Variants in RIN2 observed in about 807,000 individuals in gnomAD.
RIN2 encodes the protein Ras and Rab interactor 2.
A neutral mutation model predicts 78.0 loss-of-function variants in RIN2; 36 were observed. The observed-to-expected ratio is 0.46, with a 90% CI of 0.35 to 0.61. The LOEUF (loss-of-function observed/expected upper bound fraction) is 0.61, where lower values mean the gene tolerates loss of function less well. Ranked by LOEUF, RIN2 falls within the 20% of genes least tolerant of loss-of-function variation. The pLI is 0.00. For missense variants in RIN2, 1,087 were observed against 1,159.7 expected, an observed-to-expected ratio of 0.94 and a Z score of 0.91; for synonymous variants, 466 against 466.8, an observed-to-expected ratio of 1.00 and a Z score of 0.02.
At position 19,788,412 on chromosome 20, in the gene RIN2, T is replaced by C. The variant is rs1402995742; in HGVS notation, c.-162-11210T>C. Among the ~76,000 whole-genome samples the C allele has an allele frequency of 9.3e-5, 10 of 107,284 alleles. No homozygotes were observed. In the South Asian group the frequency reaches 1.3e-3, roughly 14 times the overall value. The allele number at this position is 107,284 out of a possible 152,430, so 70.4% of individuals were successfully genotyped here. On this transcript the variant is annotated intron_variant, in intron 1 of 12. Transcript: ENST00000255006. ...GAGTTCAAGACTAGCCTGGCCAACA[T>C]GGCGAAATCCTGTCTCTGCCAAAAA...
intron 8 of RIN2, among the ~76,000 whole-genome samples, chr20:19,973,319 C>G (rs1308057087): frequency 1.3e-5 from 2 of 152,002 alleles, no homozygotes; most frequent in Non-Finnish European, 2.9e-5. Context: ...GTGCGGGAGT[C>G]GGGAGAGAGA....
intron 2 of RIN2, among the ~76,000 whole-genome samples, chr20:19,825,019 A>G (rs1020177047): frequency 6.6e-6 from 1 of 152,196 alleles, no homozygotes; most frequent in South Asian, 2.1e-4. Flanking sequence ...GCACCAAAGC[A>G]TAACAGTCAG....
chr20:19,918,595 C>T (rs1416547693), intron 3 of RIN2, among the ~76,000 whole-genome samples: 1 of 152,010 alleles, frequency 6.6e-6, no homozygotes, highest in Non-Finnish European at 1.5e-5. Flanking sequence ...ACTTTTTGAC[C>T]TTCAAACAAC....
intron 2 of RIN2, among the ~76,000 whole-genome samples, chr20:19,874,007 C>A (rs910726451): frequency 6.6e-6 from 1 of 152,072 alleles, no homozygotes; most frequent in Non-Finnish European, 1.5e-5. Flanking sequence ...AGCTCTCATA[C>A]TGTAAACAAG....
intron 2 of RIN2, among the ~76,000 whole-genome samples, chr20:19,847,674 A>G (rs1282761719): frequency 6.6e-6 from 1 of 152,176 alleles, no homozygotes; most frequent in African/African-American, 2.4e-5. Context: ...AAAAGAGATA[A>G]AATATCTCAT....
At chr20:19,830,497 C>A (rs188949207) in intron 2 of RIN2, among the ~76,000 whole-genome samples, 134 of 152,186 alleles carry the variant, frequency 8.8e-4, no homozygotes, top group Non-Finnish European at 1.8e-3. Flanking sequence ...TCAGCCCTTT[C>A]CAATGTCATG....
At chr20:19,897,719 T>G (rs1472030168) in intron 3 of RIN2, among the ~76,000 whole-genome samples, 1 of 151,532 alleles carries the variant, frequency 6.6e-6, no homozygotes, top group Admixed American at 6.6e-5. Context: ...TTGGCTTCTT[T>G]TTTTTTTTTT....
chr20:19,864,490 C>A (rs73901312), intron 2 of RIN2, among the ~76,000 whole-genome samples: 1 of 152,222 alleles, frequency 6.6e-6, no homozygotes, highest in African/African-American at 2.4e-5. Context: ...ACCAAAGTCC[C>A]TCCTCCAAAG....
intron 2 of RIN2, among the ~76,000 whole-genome samples, chr20:19,878,659 C>G (rs1005331905): frequency 5.3e-5 from 8 of 152,068 alleles, no homozygotes; most frequent in African/African-American, 1.9e-4. Context: ...TTGCCTCAGT[C>G]CCTGAAAATG....
chr20:19,906,750 A>G (rs569748879), intron 3 of RIN2, among the ~76,000 whole-genome samples: 2 of 152,318 alleles, frequency 1.3e-5, no homozygotes, highest in East Asian at 1.9e-4. Context: ...TTTGCATGAA[A>G]TATTATTATA....
intron 2 of RIN2, among the ~76,000 whole-genome samples, chr20:19,873,115 A>T (rs1055423189): frequency 2.1e-5 from 3 of 142,630 alleles, no homozygotes; most frequent in Non-Finnish European, 4.5e-5. Flanking sequence ...TTATTTTATT[A>T]TTTTTATTTT....
chr20:19,934,986 ATAG>A, intron 3 of RIN2, 110 bp from the exon 4 acceptor site: 2 of 664,962 alleles, frequency 3.0e-6, no homozygotes. Context: ...AAAAAAAGAA[ATAG>A]AAAAAGATGG....
intron 1 of RIN2, among the ~76,000 whole-genome samples, chr20:19,764,004 A>T (rs2033760491): frequency 6.6e-6 from 1 of 152,194 alleles, no homozygotes; most frequent in African/African-American, 2.4e-5. Flanking sequence ...CACTTGCTTA[A>T]AATTCTCAAA....
At chr20:19,931,449 T>C (rs1374746591) in intron 3 of RIN2, among the ~76,000 whole-genome samples, 1 of 152,184 alleles carries the variant, frequency 6.6e-6, no homozygotes, top group Non-Finnish European at 1.5e-5. Context: ...CCTAATAATA[T>C]ATTTTAAAAC....
intron 2 of RIN2, among the ~76,000 whole-genome samples, chr20:19,829,431 A>C (rs1257846623): frequency 6.6e-6 from 1 of 152,212 alleles, no homozygotes; most frequent in East Asian, 1.9e-4. Flanking sequence ...GGGTGAGTTC[A>C]CAGGAGCAAC....
chr20:19,772,225 C>T (rs1371218142), intron 1 of RIN2, among the ~76,000 whole-genome samples: 1 of 152,158 alleles, frequency 6.6e-6, no homozygotes, highest in Non-Finnish European at 1.5e-5. Context: ...CTCTTGACTC[C>T]ACTTTTACTT....
intron 2 of RIN2, among the ~76,000 whole-genome samples, chr20:19,851,098 A>AAAGAG (rs928330365): frequency 4.6e-5 from 7 of 151,938 alleles, no homozygotes; most frequent in African/African-American, 1.5e-4. Flanking sequence ...GGAAGGAAGG[A>AAAGAG]AAGAGAAGAG....
intron 2 of RIN2, among the ~76,000 whole-genome samples, chr20:19,857,347 G>T: frequency 6.6e-6 from 1 of 151,988 alleles, no homozygotes; most frequent in Non-Finnish European, 1.5e-5. Context: ...TCCATTGTAT[G>T]AATAATACAA....
intron 2 of RIN2, among the ~76,000 whole-genome samples, chr20:19,847,461 G>C (rs6106142): frequency 0.048 from 7,263 of 152,224 alleles, 214 homozygotes; most frequent in South Asian, 0.12. Context: ...TAAAAGGGAG[G>C]TGCCTAGACT....
Sources: allele counts gnomAD v4.1 joint callset (sites outside exome capture counted in the v4.1 genomes callset), GRCh38; gene constraint gnomAD v4.1.1; transcripts MANE v1.5; gene names NCBI Gene and HGNC (gene_info 2026-07-23, HGNC 2026-07-21).